The following GRID1 variants were observed in gnomAD, a reference collection of about 807,000 sequenced individuals.
GRID1 encodes the protein glutamate receptor ionotropic, delta-1.
In GRID1, 28 loss-of-function variants were observed where a neutral mutation model predicts 98.0. The observed-to-expected ratio is 0.29, with a 90% confidence interval of 0.21 to 0.39. GRID1 has a LOEUF of 0.39. Among genes scored for constraint, GRID1 ranks in the 10% least tolerant of loss-of-function variants. The probability of loss-of-function intolerance (pLI) is 1.00; values close to 1 mark genes in which losing one functional copy is unlikely to be tolerated. For missense variants in GRID1, 1,111 were observed against 1,340.5 expected (o/e 0.83, Z 2.67); for synonymous variants, 553 against 538.5 (o/e 1.03, Z -0.37).
chr10:85,911,355 G>T (rs1841534960), intron 5 of GRID1, among the ~76,000 whole-genome samples: 1 of 152,120 alleles, frequency 6.6e-6, no homozygotes, highest in African/African-American at 2.4e-5. Flanking sequence ...AAGTCAAGAG[G>T]ATCTTGAGTC....
At chr10:86,290,784 G>A (rs1232585427) in intron 2 of GRID1, among the ~76,000 whole-genome samples, 1 of 152,234 alleles carries the variant, frequency 6.6e-6, no homozygotes, top group Non-Finnish European at 1.5e-5. Flanking sequence ...GCAAGAGGCA[G>A]TTGTGGAAAG....
At chr10:85,638,691 G>A (rs1843078247) in intron 13 of GRID1, among the ~76,000 whole-genome samples, 1 of 152,108 alleles carries the variant, frequency 6.6e-6, no homozygotes, top group African/African-American at 2.4e-5. Context: ...ATTTGATCAA[G>A]GACTTCTATC....
chr10:86,145,675 T>C (rs964752331), intron 3 of GRID1, among the ~76,000 whole-genome samples: 3 of 152,128 alleles, frequency 2.0e-5, no homozygotes, highest in Non-Finnish European at 4.4e-5. Flanking sequence ...GGTCCTCAAG[T>C]TGAAATTCAT....
At chr10:85,642,673 AAAT>A (rs2132547549) in intron 13 of GRID1, among the ~76,000 whole-genome samples, 1 of 152,260 alleles carries the variant, frequency 6.6e-6, no homozygotes, top group Non-Finnish European at 1.5e-5. Context: ...CTCCTGTTCC[AAAT>A]TCTTTCATCT....
At chr10:86,334,293 GC>G (rs992618436) in intron 2 of GRID1, among the ~76,000 whole-genome samples, 1 of 152,168 alleles carries the variant, frequency 6.6e-6, no homozygotes, top group Admixed American at 6.5e-5. Context: ...CTCATTTACT[GC>G]TGCTGCTGGC....
At chr10:85,672,369 G>A (rs1841096506) in intron 12 of GRID1, among the ~76,000 whole-genome samples, 1 of 152,198 alleles carries the variant, frequency 6.6e-6, no homozygotes, top group Non-Finnish European at 1.5e-5. Context: ...GTGCAGTGGT[G>A]CAATCTTGGC....
chr10:85,707,837 A>G lies in GRID1; in HGVS notation c.1997+15166T>C, dbSNP rs529789212. Among the ~76,000 whole-genome samples the G allele has an allele frequency of 4.6e-5, 7 of 152,216 alleles. 1 individual carries two copies. The highest frequency in any genetic ancestry group is 1.7e-4 in the African/African-American group (7 of 41,536). On this transcript the variant is annotated intron_variant, in intron 12 of 15. Coordinates refer to ENST00000327946, the MANE Select transcript of GRID1 (RefSeq NM_017551.3). ...AGGGACATGAATGAAGCTGGAAACC[A>G]TCATTCTCAGCAAACTGTTGCAAGG... is the stretch of plus-strand genomic sequence containing the variant.
intron 5 of GRID1, among the ~76,000 whole-genome samples, chr10:85,882,463 T>A (rs1841046384): frequency 6.6e-6 from 1 of 152,086 alleles, no homozygotes; most frequent in Non-Finnish European, 1.5e-5. Flanking sequence ...TGAGTTCATG[T>A]CCTTTGTAGG....
intron 2 of GRID1, among the ~76,000 whole-genome samples, chr10:86,254,345 T>A (rs1310685358): frequency 6.6e-6 from 1 of 152,178 alleles, no homozygotes; most frequent in Non-Finnish European, 1.5e-5. Flanking sequence ...GGCCAGAGGT[T>A]CTCAAAGTGG....
At chr10:85,623,140 T>C (rs1467672590) in intron 13 of GRID1, among the ~76,000 whole-genome samples, 1 of 152,166 alleles carries the variant, frequency 6.6e-6, no homozygotes, top group Non-Finnish European at 1.5e-5. Context: ...CTCTTTCAAC[T>C]CCATGCTGAG....
chr10:86,107,029 C>A (rs1021168380), intron 4 of GRID1, among the ~76,000 whole-genome samples: 1 of 152,176 alleles, frequency 6.6e-6, no homozygotes, highest in African/African-American at 2.4e-5. Flanking sequence ...GAGGGCCAGA[C>A]CTGCCTACGG....
At chr10:85,914,554 G>A (rs1841585328) in intron 5 of GRID1, among the ~76,000 whole-genome samples, 1 of 152,114 alleles carries the variant, frequency 6.6e-6, no homozygotes. Context: ...CACGGTAAAT[G>A]GACGGTTACT....
At chr10:86,119,265 G>A (rs572909276) in intron 4 of GRID1, among the ~76,000 whole-genome samples, 1 of 152,298 alleles carries the variant, frequency 6.6e-6, no homozygotes, top group African/African-American at 2.4e-5. Context: ...AGCCTTGGAG[G>A]CAGAGGTTGC....
intron 2 of GRID1, among the ~76,000 whole-genome samples, chr10:86,212,591 G>A (rs554825954): frequency 1.6e-3 from 238 of 152,252 alleles, no homozygotes; most frequent in African/African-American, 5.6e-3. Flanking sequence ...CACCTCTGCC[G>A]CCCCCAAGGC....
chr10:85,639,469 G>A (rs1392756589), intron 13 of GRID1, among the ~76,000 whole-genome samples: 1 of 152,198 alleles, frequency 6.6e-6, no homozygotes, highest in African/African-American at 2.4e-5. Flanking sequence ...AATGGAAATA[G>A]GTATCTTGTT....
At chr10:86,242,627 T>C (rs1294058764) in intron 2 of GRID1, among the ~76,000 whole-genome samples, 1 of 152,166 alleles carries the variant, frequency 6.6e-6, no homozygotes, top group Admixed American at 6.5e-5. Flanking sequence ...ATAGGAAGAA[T>C]GGCCAAGCTG....
At chr10:85,653,592 C>T (rs373219658) in intron 12 of GRID1, among the ~76,000 whole-genome samples, 15 of 152,234 alleles carry the variant, frequency 9.9e-5, no homozygotes, top group East Asian at 9.7e-4. Context: ...ATACTGTCTC[C>T]GCCAAAACTC....
chr10:85,915,419 A>G (rs1342467056), intron 5 of GRID1, among the ~76,000 whole-genome samples: 3 of 151,814 alleles, frequency 2.0e-5, no homozygotes, highest in South Asian at 4.2e-4. Context: ...CTGTACATAC[A>G]CTCAACACAT....
intron 8 of GRID1, among the ~76,000 whole-genome samples, chr10:85,766,115 C>T (rs1165270668): frequency 6.6e-6 from 1 of 152,186 alleles, no homozygotes; most frequent in African/African-American, 2.4e-5. Context: ...TTGAAATAAA[C>T]CAAGTAAGAA....
Sources: gnomAD v4.1 joint callset for allele counts (sites outside exome capture counted in the v4.1 genomes callset) on GRCh38, gnomAD v4.1.1 for gene constraint, MANE v1.5 for transcripts, NCBI Gene and HGNC (gene_info 2026-07-23, HGNC 2026-07-21) for gene names.